ADCY10: variants seen among roughly 807,000 people sequenced by gnomAD.
ADCY10 encodes adenylate cyclase type 10.
A neutral mutation model predicts 183.3 loss-of-function variants in ADCY10; 156 were observed. That is an observed-to-expected ratio of 0.85 (90% CI 0.75 to 0.97). The LOEUF is 0.97. Among genes scored for constraint, ADCY10 ranks in the 50% least tolerant of loss-of-function variants. ADCY10 has a pLI of 0.00. For missense variants in ADCY10, 1,745 were observed against 1,934.3 expected (o/e 0.90, Z 1.84); for synonymous variants, 645 against 670.0 (o/e 0.96, Z 0.58).
chr1:167,863,675 C>T (rs1217546092), intron 14 of ADCY10, among the ~76,000 whole-genome samples: 1 of 152,234 alleles, frequency 6.6e-6, no homozygotes, highest in Non-Finnish European at 1.5e-5. Flanking sequence ...CTGGGGACTC[C>T]AACCAGCCAG....
At position 167,824,633 on chromosome 1, in the gene ADCY10, T is replaced by C. The variant is rs1339023837; in HGVS notation, c.3955+18A>G. On this transcript the variant is annotated intron_variant, in intron 27 of 32. Transcript: ENST00000367851. ...TTCCTTGTATCCTCATGTCCCATCT[T>C]GCCCAGCCAGCCCTTACCTAACTCA... 6.2e-7 allele frequency: 1 copy of C among 1,614,228 alleles called. No homozygotes were observed. Among genetic ancestry groups the C allele is most frequent in the Non-Finnish European group, 8.5e-7 (1 of 1,180,026 alleles).
intron 21 of ADCY10, among the ~76,000 whole-genome samples, chr1:167,839,346 C>T (rs1314922025): frequency 6.6e-6 from 1 of 152,166 alleles, no homozygotes; most frequent in Non-Finnish European, 1.5e-5. Context: ...GAGGGGATAT[C>T]CTTTCATGTT....
chr1:167,846,392 A>G, intron 19 of ADCY10, 129 bp from the exon 20 acceptor site: 8 of 1,122,308 alleles, frequency 7.1e-6, no homozygotes, highest in Non-Finnish European at 1.1e-5. Context: ...AGCCAAGCTA[A>G]GTCAAAAGAA....
chr1:167,829,180 A>G lies in ADCY10; in HGVS notation c.3750+87T>C, dbSNP rs961637219. ...AAGCCTTCTATTATTATATCCTCAG[A>G]ATTTTGAATCCTAATTGGCTTTCAC... On this transcript the variant is annotated intron_variant, in intron 26 of 32. Coordinates refer to ENST00000367851, the MANE Select transcript of ADCY10 (RefSeq NM_018417.6). The G allele has an allele frequency of 5.3e-6, 8 of 1,509,484 alleles. No homozygotes were observed. The African/African-American group carries it at 9.6e-5, about 18-fold the overall frequency. The allele number at this position is 1,509,484 out of a possible 1,614,324, so 93.5% of individuals were successfully genotyped here.
At chr1:167,911,875 T>C (rs1226258134) in intron 1 of ADCY10, among the ~76,000 whole-genome samples, 1 of 152,216 alleles carries the variant, frequency 6.6e-6, no homozygotes, top group Non-Finnish European at 1.5e-5. Context: ...CAGATTTTTC[T>C]GTTTATGATG....
chr1:167,906,225 T>C (rs1049997227), intron 1 of ADCY10, among the ~76,000 whole-genome samples: 4 of 152,074 alleles, frequency 2.6e-5, no homozygotes, highest in Non-Finnish European at 5.9e-5. Context: ...AAAATGTATA[T>C]AGTATACATT....
intron 7 of ADCY10, among the ~76,000 whole-genome samples, chr1:167,895,382 C>A (rs1358778220): frequency 6.6e-6 from 1 of 152,098 alleles, no homozygotes; most frequent in Non-Finnish European, 1.5e-5. Flanking sequence ...TTTGTACAGT[C>A]TCCCCACTCC....
At chr1:167,830,471 A>C (rs1273138090) in intron 25 of ADCY10, among the ~76,000 whole-genome samples, 1 of 151,810 alleles carries the variant, frequency 6.6e-6, no homozygotes, top group Non-Finnish European at 1.5e-5. Flanking sequence ...AGCTCACTGC[A>C]ACCTCTGCTT....
chr1:167,817,776 A>G (rs1662619294), intron 31 of ADCY10, among the ~76,000 whole-genome samples: 1 of 152,226 alleles, frequency 6.6e-6, no homozygotes, highest in Non-Finnish European at 1.5e-5. Context: ...AAAACAATTT[A>G]ATGACAGGAA....
At chr1:167,907,326 A>C (rs2102465155) in intron 1 of ADCY10, among the ~76,000 whole-genome samples, 1 of 152,374 alleles carries the variant, frequency 6.6e-6, no homozygotes, top group South Asian at 2.1e-4. Context: ...TAACTTTGAA[A>C]TCTCAATGGC....
Position 167,905,018 on chromosome 1 carries a change from T to C in ADCY10, c.123A>G (p.Gly41=), listed in dbSNP as rs747991659. 2.5e-6 allele frequency: 4 copies of C among 1,614,198 alleles called. No individual in the cohort carries two copies. In the South Asian group the frequency reaches 4.4e-5, roughly 18 times the overall value. Residue 41 remains glycine (G), a synonymous_variant, in exon 2 of 33, where the codon GGA becomes GGG. Coordinates refer to ENST00000367851, the MANE Select transcript of ADCY10 (RefSeq NM_018417.6). The part of the protein sequence containing the change: ...PERPFMDYFD[G]VLMFVDISGF... ...CTGAAATATCAACAAACATCAGGAC[T>C]CCGTCAAAATAATCCATAAAGGGTC... is the stretch of plus-strand genomic sequence containing the variant.
Position 167,896,600 on chromosome 1 carries a change from T to A in ADCY10, c.734A>T (p.His245Leu). ...TFMHYYPSGE[H>L]KNLLRLACTL... The stretch of plus-strand genomic sequence containing the variant: ...TTTCCATGGTGGGTACTTACTTTTG[T>A]GCTCACCAGAAGGATAATAATGCAT... The change falls in exon 7 of 33, where the codon CAC (histidine) becomes CTC (leucine). Residue 245 changes from histidine to leucine, a missense_variant. Transcript: ENST00000367851. The A allele has an allele frequency of 1.2e-6, 2 of 1,610,342 alleles. No homozygotes were observed. Among genetic ancestry groups the A allele is most frequent in the South Asian group, 1.1e-5 (1 of 91,026 alleles).
At position 167,878,607 on chromosome 1, in the gene ADCY10, G is replaced by T. The variant is rs760042034; in HGVS notation, c.1245C>A (p.Ala415=). 1 of 1,614,092 alleles carries T rather than the reference G, an allele frequency of 6.2e-7. No homozygotes were observed. The highest frequency in any genetic ancestry group is 2.2e-5 in the East Asian group (1 of 44,876). ...TVIGQKVNLA[A]RMMMYYPGIV... ...TTCCTGGGTAGTACATCATCATCCT[G>T]GCAGCTAAGTTGACTTTTTGACCAA... Residue 415 remains alanine, a synonymous_variant, in exon 12 of 33, where the codon GCC becomes GCA. Transcript: ENST00000367851.
chr1:167,833,033 G>A lies in ADCY10; in HGVS notation c.3547C>T (p.His1183Tyr), dbSNP rs756285175. ...GCCTGCCGATTCACATAATGAAAGTGTCTGTTTTTCTCGACATGGATATGG... is the reference window on the plus strand; with the variant it reads ...GCCTGCCGATTCACATAATGAAAGTATCTGTTTTTCTCGACATGGATATGG... ...FLHIHVEKNR[H>Y]FHYVNRQAQE... The change falls in exon 25 of 33, where the codon CAC (histidine) becomes TAC (tyrosine). Residue 1183 changes from histidine (H) to tyrosine (Y), a missense_variant. His to Tyr is a moderately conservative substitution (Grantham distance 83). Coordinates refer to ENST00000367851, the MANE Select transcript of ADCY10 (RefSeq NM_018417.6). The A allele has an allele frequency of 1.9e-6, 3 of 1,614,044 alleles. No individual in the cohort carries two copies. The highest frequency in any genetic ancestry group is 2.7e-5 in the African/African-American group (2 of 74,906).
chr1:167,865,028 CAT>C (rs1454165745), intron 14 of ADCY10, among the ~76,000 whole-genome samples: 4 of 151,920 alleles, frequency 2.6e-5, no homozygotes, highest in Non-Finnish European at 5.9e-5. Context: ...AAAGTTGAGA[CAT>C]GTCAAAGAAT....
intron 8 of ADCY10, among the ~76,000 whole-genome samples, chr1:167,888,841 A>C (rs1165375999): frequency 1.3e-5 from 1 of 76,194 alleles, no homozygotes; most frequent in African/African-American, 5.3e-5. Flanking sequence ...GCGCAACTGC[A>C]GTCCAGCCTG....
At position 167,809,519 on chromosome 1, in the gene ADCY10, T is replaced by C. The variant is rs1662066963; in HGVS notation, c.*159A>G. 1.2e-6 allele frequency: 1 copy of C among 817,730 alleles called. No individual in the cohort carries two copies. The highest frequency in any genetic ancestry group is 2.0e-6 in the Non-Finnish European group (1 of 508,802). 50.7% of individuals were successfully genotyped at this position (817,730 alleles called of 1,614,324 possible). ...AGTAAACCATGACACTCCTGACCCT[T>C]GTAGGCCCTCCAGAAAGAGAAGAAA... On this transcript the variant is annotated 3_prime_UTR_variant, in exon 33 of 33. Coordinates refer to ENST00000367851, the MANE Select transcript of ADCY10 (RefSeq NM_018417.6).
chr1:167,833,483 C>A (rs183032353), intron 24 of ADCY10, among the ~76,000 whole-genome samples: 1 of 152,174 alleles, frequency 6.6e-6, no homozygotes, highest in Non-Finnish European at 1.5e-5. Context: ...CGGTGGCTAA[C>A]GCCTGTAATC....
intron 14 of ADCY10, among the ~76,000 whole-genome samples, chr1:167,868,970 G>C (rs1413870324): frequency 6.6e-6 from 1 of 152,150 alleles, no homozygotes. Flanking sequence ...TATCAAAATA[G>C]ATTGGCTCTC....
Sources: allele counts gnomAD v4.1 joint callset (sites outside exome capture counted in the v4.1 genomes callset), GRCh38; gene constraint gnomAD v4.1.1; transcripts MANE v1.5; gene names NCBI Gene and HGNC (gene_info 2026-07-23, HGNC 2026-07-21).